The following PCDH15 variants were observed in gnomAD, a reference collection of about 807,000 sequenced individuals.
PCDH15 encodes the protein protocadherin-15.
Under a neutral mutation model 178.5 loss-of-function variants are expected in PCDH15, and 129 were observed. The observed-to-expected ratio is 0.72, with a 90% CI of 0.63 to 0.84. PCDH15 has a LOEUF of 0.84. Among genes scored for constraint, PCDH15 ranks in the 40% least tolerant of loss-of-function variants. The probability of loss-of-function intolerance (pLI) is 0.00; values close to 1 mark genes in which losing one functional copy is unlikely to be tolerated. For missense variants in PCDH15, 2,230 were observed against 2,099.9 expected (o/e 1.06, Z -1.21); for synonymous variants, 800 against 732.0 (o/e 1.09, Z -1.50).
chr10:53,819,132 A>G (rs909109212), intron 33 of PCDH15, among the ~76,000 whole-genome samples: 5 of 152,028 alleles, frequency 3.3e-5, no homozygotes, highest in Non-Finnish European at 7.4e-5. Flanking sequence ...GACATTTTCA[A>G]CTTTTACCAA....
At chr10:54,427,381 T>C (rs1219511588) in intron 3 of PCDH15, among the ~76,000 whole-genome samples, 1 of 148,398 alleles carries the variant, frequency 6.7e-6, no homozygotes, top group Admixed American at 6.9e-5. Context: ...TGGGTTCAAT[T>C]GATTCTCCTG....
In PCDH15 at chr10:53,822,102, G is replaced by GGGTCT. The variant is rs1418472770; in HGVS notation, c.4368-1877_4368-1873dup. The GGGTCT allele has an allele frequency of 1.2e-6, 2 of 1,613,784 alleles. No homozygotes were observed. Among genetic ancestry groups the GGGTCT allele is most frequent in the African/African-American group, 2.7e-5 (2 of 74,774 alleles). On this transcript the variant is annotated intron_variant, in intron 32 of 37. Transcript: ENST00000644397. Reference sequence around the variant, plus strand: ...GAGGATGCCTTTTGGTTCTCTCTGAGGGTCTGTTTTACACACTGTCGTTGT... The same window carrying GGGTCT: ...GAGGATGCCTTTTGGTTCTCTCTGAGGGTCTGGTCTGTTTTACACACTGTCGTTGT...
chr10:55,078,960 T>C (rs1181753670), intron 2 of PCDH15, among the ~76,000 whole-genome samples: 2 of 152,188 alleles, frequency 1.3e-5, no homozygotes, highest in Non-Finnish European at 2.9e-5. Flanking sequence ...GTTCTTCGCT[T>C]CCAGGATTTC....
At chr10:55,412,633 G>GA (rs1404956787) in intron 2 of PCDH15, among the ~76,000 whole-genome samples, 6 of 151,818 alleles carry the variant, frequency 4.0e-5, no homozygotes, top group East Asian at 1.9e-4. Context: ...TAATAAAATG[G>GA]AAAAAACATT....
intron 2 of PCDH15, among the ~76,000 whole-genome samples, chr10:54,633,855 T>A: frequency 6.6e-6 from 1 of 152,070 alleles, no homozygotes; most frequent in South Asian, 2.1e-4. Context: ...ACCTAAATCA[T>A]AAGAAGAGTT....
rs1554867896 is a variant in PCDH15 at position 55,434,081 on chromosome 10, T to TTC, written c.-156+193543_-156+193544insGA. ...CTCCGCTTTTTCTTTTCTTTTCTTTTTTTTTTTTTTTTTTTTTGAGATGGT... is the reference window on the plus strand; with the variant it reads ...CTCCGCTTTTTCTTTTCTTTTCTTTTTCTTTTTTTTTTTTTTTTTGAGATGGT... On this transcript the variant is annotated intron_variant, in intron 2 of 5. Coordinates refer to the PCDH15 transcript ENST00000613346. Among the ~76,000 whole-genome samples the TTC allele has an allele frequency of 3.8e-3, 479 of 126,512 alleles. 2 individuals are homozygous for TTC. The highest frequency in any genetic ancestry group is 9.4e-3 in the African/African-American group (283 of 30,046). The allele number at this position is 126,512 out of a possible 152,430, so 83.0% of individuals were successfully genotyped here.
intron 2 of PCDH15, among the ~76,000 whole-genome samples, chr10:54,531,869 C>T (rs567482358): frequency 2.0e-5 from 3 of 152,120 alleles, no homozygotes; most frequent in South Asian, 4.1e-4. Flanking sequence ...CTATCATAGC[C>T]GAAAACTGGA....
chr10:54,004,114 C>T (rs2092292110), intron 20 of PCDH15, among the ~76,000 whole-genome samples: 1 of 151,934 alleles, frequency 6.6e-6, no homozygotes, highest in African/African-American at 2.4e-5. Flanking sequence ...CCCTCAAAAA[C>T]TGGGTGTAGA....
chr10:53,862,994 T>G (rs1301231594), intron 27 of PCDH15, among the ~76,000 whole-genome samples: 2 of 152,126 alleles, frequency 1.3e-5, no homozygotes, highest in Non-Finnish European at 2.9e-5. Context: ...AGTGATTTGG[T>G]CATCAAATAA....
chr10:53,835,385 T>C lies in PCDH15; in HGVS notation c.3984-3852A>G, dbSNP rs1286177149. ...TTATTTTTAAATTTTAATTAAACTATATTTTAAAGTAGTGTGTTCTGTTTT... is the reference window on the plus strand; with the variant it reads ...TTATTTTTAAATTTTAATTAAACTACATTTTAAAGTAGTGTGTTCTGTTTT... On this transcript the variant is annotated intron_variant, in intron 29 of 37. Coordinates refer to ENST00000644397, the MANE Select transcript of PCDH15 (RefSeq NM_001384140.1). Among the ~76,000 whole-genome samples, 4 of 152,322 alleles carry C rather than the reference T, an allele frequency of 2.6e-5. No individual in the cohort carries two copies. The East Asian group carries it at 7.7e-4, about 29-fold the overall frequency.
chr10:54,187,976 C>A (rs1001459493), intron 11 of PCDH15, among the ~76,000 whole-genome samples: 4 of 151,704 alleles, frequency 2.6e-5, no homozygotes, highest in African/African-American at 9.7e-5. Flanking sequence ...TACAGCATAT[C>A]ATTTTATGAG....
intron 1 of PCDH15, among the ~76,000 whole-genome samples, chr10:55,187,299 C>G (rs1215835649): frequency 6.6e-6 from 1 of 151,922 alleles, no homozygotes; most frequent in South Asian, 2.1e-4. Context: ...GCATAACTAT[C>G]TCTATTTTTG....
intron 2 of PCDH15, among the ~76,000 whole-genome samples, chr10:55,560,629 C>T (rs1218822567): frequency 6.6e-6 from 1 of 151,860 alleles, no homozygotes; most frequent in East Asian, 1.9e-4. Flanking sequence ...GAATTGTCAT[C>T]TGTAAATCAA....
At chr10:55,353,950 G>C (rs1318367319) in intron 2 of PCDH15, among the ~76,000 whole-genome samples, 1 of 151,980 alleles carries the variant, frequency 6.6e-6, no homozygotes, top group Non-Finnish European at 1.5e-5. Context: ...CTTGTATTCA[G>C]CAGTTGATAG....
At chr10:55,601,113 A>G (rs1353620839) in intron 2 of PCDH15, among the ~76,000 whole-genome samples, 3 of 152,128 alleles carry the variant, frequency 2.0e-5, no homozygotes, top group Non-Finnish European at 4.4e-5. Flanking sequence ...AGAACCTCAC[A>G]GAGGAATTAC....
rs560739807 is a variant in PCDH15, at chr10:55,126,053, C to T, written c.-80+40523G>A. On this transcript the variant is annotated intron_variant, in intron 2 of 5. Coordinates refer to the PCDH15 transcript ENST00000458638. Reference sequence around the variant, plus strand: ...AGTAAGGGGATACTCACAGGTCCCCCTGGGATCTAAATATAGTCATCATTT... The same window carrying T: ...AGTAAGGGGATACTCACAGGTCCCCTTGGGATCTAAATATAGTCATCATTT... 3.9e-5 allele frequency among the ~76,000 whole-genome samples: 6 copies of T among 152,176 alleles called. No individual in the cohort carries two copies. In the South Asian group the frequency reaches 6.2e-4, roughly 16 times the overall value.
intron 5 of PCDH15, among the ~76,000 whole-genome samples, chr10:54,365,755 G>A (rs1946698188): frequency 6.6e-6 from 1 of 152,070 alleles, no homozygotes; most frequent in Non-Finnish European, 1.5e-5. Context: ...AAAGCTAATT[G>A]AGTCTTCACT....
chr10:55,077,590 C>G lies in PCDH15; in HGVS notation c.-80+88986G>C, dbSNP rs138835518. Among the ~76,000 whole-genome samples the G allele has an allele frequency of 3.1e-3, 467 of 151,912 alleles. 7 individuals carry two copies. Among genetic ancestry groups the G allele is most frequent in the African/African-American group, 0.01 (430 of 41,442 alleles). On this transcript the variant is annotated intron_variant, in intron 2 of 5. Transcript: ENST00000458638. ...TTTGAGATGGAATCTCATTCTGTCACCCAGCCTGGAGTGCAGTGGCACAAT... is the reference window on the plus strand; with the variant it reads ...TTTGAGATGGAATCTCATTCTGTCAGCCAGCCTGGAGTGCAGTGGCACAAT...
intron 2 of PCDH15, among the ~76,000 whole-genome samples, chr10:55,581,843 AT>A (rs919850509): frequency 1.1e-4 from 16 of 151,066 alleles, no homozygotes; most frequent in Non-Finnish European, 1.9e-4. Flanking sequence ...CATGTGGGCA[AT>A]TTTTTTTTGG....
Sources: allele counts gnomAD v4.1 joint callset (sites outside exome capture counted in the v4.1 genomes callset), GRCh38; gene constraint gnomAD v4.1.1; transcripts MANE v1.5; gene names NCBI Gene and HGNC (gene_info 2026-07-23, HGNC 2026-07-21).